Variants in MAP1A observed in about 807,000 individuals in gnomAD.
MAP1A encodes the protein microtubule-associated protein 1A.
In MAP1A, 42 loss-of-function variants were observed where a neutral mutation model predicts 185.9. The ratio of observed to expected loss-of-function variants is 0.23; its 90% confidence interval spans 0.18 to 0.29. MAP1A has a LOEUF of 0.29. Among genes scored for constraint, MAP1A ranks in the 10% least tolerant of loss-of-function variants. MAP1A has a pLI of 1.00. For missense variants in MAP1A, 2,995 were observed against 3,450.4 expected (o/e 0.87, Z 3.31); for synonymous variants, 1,229 against 1,335.9 (o/e 0.92, Z 1.74).
Position 43,527,371 on chromosome 15 carries a change from G to A in MAP1A, c.5898G>A (p.Gln1966=), listed in dbSNP as rs763819373. The A allele has an allele frequency of 1.1e-5, 18 of 1,614,224 alleles. No homozygotes were observed. The highest frequency in any genetic ancestry group is 1.4e-5 in the Non-Finnish European group (17 of 1,180,020). ...PTPYPDERSF[Q]YADIYEQMML... ...CCTATCCTGATGAGAGAAGCTTTCA[G>A]TATGCAGACATCTATGAGCAGATGA... The change falls in exon 4 of 6, where the codon CAG becomes CAA. Residue 1966 remains glutamine, a synonymous_variant. Coordinates refer to ENST00000300231, the MANE Select transcript of MAP1A (RefSeq NM_002373.6).
chr15:43,524,836 T>C lies in MAP1A; in HGVS notation c.3363T>C (p.Gly1121=). The C allele has an allele frequency of 6.2e-7, 1 of 1,613,958 alleles. No individual in the cohort carries two copies. The highest frequency in any genetic ancestry group is 8.5e-7 in the Non-Finnish European group (1 of 1,179,976). The part of the protein sequence containing the change: ...PILGAEALPG[G]LRTLPQEPGK... ...TGGGAGCAGAAGCCCTTCCCGGAGG[T>C]TTGAGGACTTTACCCCAAGAACCTG... Residue 1121 remains glycine (G), a synonymous_variant, in exon 4 of 6, where the codon GGT becomes GGC. Coordinates refer to ENST00000300231, the MANE Select transcript of MAP1A (RefSeq NM_002373.6).
chr15:43,525,376 T>C lies in MAP1A; in HGVS notation c.3903T>C (p.Asn1301=). 1 of 1,614,048 alleles carries C rather than the reference T, an allele frequency of 6.2e-7. No individual in the cohort carries two copies. Among genetic ancestry groups the C allele is most frequent in the Non-Finnish European group, 8.5e-7 (1 of 1,180,030 alleles). Residue 1301 remains asparagine, a synonymous_variant, in exon 4 of 6, where the codon AAT becomes AAC. Transcript: ENST00000300231. ...TCTCTCACTCTACACCTTCAGGAAA[T>C]GGGAAGTACTTACCTGGGGCGATCA... ...SSFSHSTPSG[N]GKYLPGAITS... is the part of the protein sequence containing the mutation.
At chr15:43,520,111 A>C (rs1400719392) in intron 1 of MAP1A, among the ~76,000 whole-genome samples, 1 of 152,206 alleles carries the variant, frequency 6.6e-6, no homozygotes, top group East Asian at 1.9e-4. Flanking sequence ...GTCTTCTGGA[A>C]CAGGAATTCT....
rs368688115 is a variant in MAP1A, at chr15:43,529,185, C to T, written c.7712C>T (p.Ser2571Phe). 13 of 832,116 alleles carry T rather than the reference C, an allele frequency of 1.6e-5. No individual in the cohort carries two copies. The highest frequency in any genetic ancestry group is 2.5e-5 in the Non-Finnish European group (13 of 522,796). The allele number at this position is 832,116 out of a possible 1,614,324, so 51.5% of individuals were successfully genotyped here. A position where few individuals can be genotyped will look rare whatever the true frequency, so the allele number is the denominator to read the frequency against. ...PPLPQPDPRP[S>F]PPRPDVCMAD... ...CTCCCACAGCCAGACCCCCGCCCAT[C>T]CCCTCCCCGCCCTGATGTGTGCATG... is the stretch of plus-strand genomic sequence containing the variant. Residue 2571 changes from serine (S) to phenylalanine (F), a missense_variant, in exon 4 of 6, where the codon TCC (serine) becomes TTC (phenylalanine). Around this residue, in one of 3 missense-constraint regions of MAP1A, gnomAD observed 2,728 missense variants for 2,986.0 expected, o/e 0.91. Transcript: ENST00000300231. This position sits in a 1 kb window ranked among gnomAD's most constrained non-coding sequence, Gnocchi z 4.3.
upstream of MAP1A, among the ~76,000 whole-genome samples, chr15:43,513,941 C>T (rs554869671): frequency 6.6e-6 from 1 of 152,320 alleles, no homozygotes; most frequent in African/African-American, 2.4e-5. Context: ...ATGCTCTAAC[C>T]TTGTCCTTTT....
Position 43,527,075 on chromosome 15 carries a change from C to T in MAP1A, c.5602C>T (p.Pro1868Ser). 1.3e-6 allele frequency: 2 copies of T among 1,583,078 alleles called. No homozygotes were observed. The highest frequency in any genetic ancestry group is 1.7e-6 in the Non-Finnish European group (2 of 1,163,484). ...SPAPGPPTPA[P>S]ESHTPAPFSW... ...AGCTCCTGGTCCCCCCACACCTGCC[C>T]CGGAATCCCATACTCCTGCACCCTT... Residue 1868 changes from proline to serine, a missense_variant, in exon 4 of 6, where the codon CCG becomes TCG. Around this residue, in one of 3 missense-constraint regions of MAP1A, gnomAD observed 2,728 missense variants for 2,986.0 expected, o/e 0.91. Transcript: ENST00000300231.
At position 43,511,178 on chromosome 15, in the gene MAP1A, ATCGGTACAGAGAG is replaced by A. The variant is rs1421353257; in HGVS notation, c.193_205del (p.Gly65SerfsTer2). ...CTCTTTGCTAATTGTGATCGGCGATATCGGTACAGAGAGTCAGCTGAGGGCCGTGCGGGCCCAC... is the reference window on the plus strand; with the variant it reads ...CTCTTTGCTAATTGTGATCGGCGATATCAGCTGAGGGCCGTGCGGGCCCAC... On this transcript the variant is annotated frameshift_variant, in exon 1 of 7. Coordinates refer to the MAP1A transcript ENST00000382031. LOFTEE classifies it high-confidence loss of function. 5 of 1,550,464 alleles carry A rather than the reference ATCGGTACAGAGAG, an allele frequency of 3.2e-6. No homozygotes were observed. The highest frequency in any genetic ancestry group is 4.4e-6 in the Non-Finnish European group (5 of 1,146,970).
chr15:43,529,238 T>C lies in MAP1A; in HGVS notation c.7765T>C (p.Ser2589Pro), dbSNP rs532524880. The C allele has an allele frequency of 6.2e-7, 1 of 1,606,188 alleles. No individual in the cohort carries two copies. Among genetic ancestry groups the C allele is most frequent in the Non-Finnish European group, 8.5e-7 (1 of 1,177,708 alleles). The change falls in exon 4 of 6, where the codon TCT becomes CCT. Residue 2589 changes from serine (S) to proline (P), a missense_variant. By Grantham distance (74) the Ser-to-Pro change is moderately conservative. Around this residue, in one of 3 missense-constraint regions of MAP1A, gnomAD observed 2,728 missense variants for 2,986.0 expected, o/e 0.91. Transcript: ENST00000300231. The surrounding 1 kb of genome is among the most constrained non-coding windows in gnomAD (Gnocchi z 4.3). ...MADPEGLSSE[S>P]GRVERLREKE... ...TGACCCCGAGGGGCTCAGCTCAGAG[T>C]CTGGGAGAGTAGAGAGGCTACGGGA...
In MAP1A at chr15:43,531,527, G is replaced by C. The variant is rs1022942750; in HGVS notation, c.*1303G>C. On this transcript the variant is annotated 3_prime_UTR_variant, in exon 6 of 6. Transcript: ENST00000300231. ...CACCCTCCCCGTGCTGCTGTGTTCT[G>C]CTCCTCCCCACGCTTCCCTGCTATA... The C allele has an allele frequency of 1.3e-5, 2 of 152,750 alleles. No homozygotes were observed. Among genetic ancestry groups the C allele is most frequent in the African/African-American group, 4.8e-5 (2 of 41,434 alleles). 9.5% of individuals were successfully genotyped at this position (152,750 alleles called of 1,614,324 possible). A position where few individuals can be genotyped will look rare whatever the true frequency, so the allele number is the denominator to read the frequency against.
At chr15:43,517,399 C>T (rs2079301455), upstream of MAP1A, among the ~76,000 whole-genome samples, 1 of 152,128 alleles carries the variant, frequency 6.6e-6, no homozygotes, top group Admixed American at 6.5e-5. Flanking sequence ...GAGAAAGGTC[C>T]TATGGGCCAT....
chr15:43,530,489 T>A lies in MAP1A; in HGVS notation c.*265T>A, dbSNP rs1451583144. 2 of 472,472 alleles carry A rather than the reference T, an allele frequency of 4.2e-6. No homozygotes were observed. Among genetic ancestry groups the A allele is most frequent in the Non-Finnish European group, 7.7e-6 (2 of 260,582 alleles). 29.3% of individuals were successfully genotyped at this position (472,472 alleles called of 1,614,324 possible). The stretch of plus-strand genomic sequence containing the variant: ...GATAGCATCTGATGCCTGAGAACCC[T>A]CTCCTAGCACTGTCAAATGCTGGTA... On this transcript the variant is annotated 3_prime_UTR_variant, in exon 6 of 6. Coordinates refer to ENST00000300231, the MANE Select transcript of MAP1A (RefSeq NM_002373.6).
chr15:43,528,415 G>A lies in MAP1A; in HGVS notation c.6942G>A (p.Leu2314=), dbSNP rs756709706. 3 of 1,613,726 alleles carry A rather than the reference G, an allele frequency of 1.9e-6. No homozygotes were observed. ...TPLSPAPPAS[L]DLALAPAPSL... The stretch of plus-strand genomic sequence containing the variant: ...TGAGCCCAGCACCCCCAGCTTCACT[G>A]GACTTGGCCCTAGCTCCAGCTCCAA... Residue 2314 remains leucine (L), a synonymous_variant, in exon 4 of 6, where the codon CTG becomes CTA. Coordinates refer to ENST00000300231, the MANE Select transcript of MAP1A (RefSeq NM_002373.6).
chr15:43,525,456 A>T lies in MAP1A; in HGVS notation c.3983A>T (p.Glu1328Val). Residue 1328 changes from glutamate (E) to valine (V), a missense_variant, in exon 4 of 6, where the codon GAG (glutamate) becomes GTG (valine). Glu to Val is a moderately radical substitution (Grantham distance 121, BLOSUM62 -2). This residue lies in a region of MAP1A where 2,728 missense variants were observed against 2,986.0 expected (regional missense o/e 0.91). Transcript: ENST00000300231. The part of the protein sequence containing the change: ...TPDSSFSKSP[E>V]SLPGPALEDI... Reference sequence around the variant, plus strand: ...GATAGCTCCTTCTCCAAGAGTCCTGAGTCTTTGCCAGGCCCTGCCTTGGAG... The same window carrying T: ...GATAGCTCCTTCTCCAAGAGTCCTGTGTCTTTGCCAGGCCCTGCCTTGGAG... 4 of 1,614,200 alleles carry T rather than the reference A, an allele frequency of 2.5e-6. No individual in the cohort carries two copies. The highest frequency in any genetic ancestry group is 3.4e-6 in the Non-Finnish European group (4 of 1,180,036).
chr15:43,511,045 G>A lies in MAP1A; in HGVS notation c.57G>A (p.Pro19=), dbSNP rs567403051. The A allele has an allele frequency of 1.1e-5, 17 of 1,548,926 alleles. No homozygotes were observed. The South Asian group carries it at 1.7e-4, about 15-fold the overall frequency. The stretch of plus-strand genomic sequence containing the variant: ...ACGGCGTTGCCATGGAGACAACTCC[G>A]GGGCTGGGGCTCCGAAGTCCCGGCG... Residue 19 remains proline (P), a synonymous_variant, in exon 1 of 7, where the codon CCG becomes CCA. Coordinates refer to the MAP1A transcript ENST00000382031.
Position 43,529,340 on chromosome 15 carries a change from G to A in MAP1A, c.7867G>A (p.Asp2623Asn), listed in dbSNP as rs747280325. 1 of 1,614,010 alleles carries A rather than the reference G, an allele frequency of 6.2e-7. No homozygotes were observed. The highest frequency in any genetic ancestry group is 1.1e-5 in the South Asian group (1 of 91,088). The change falls in exon 4 of 6, where the codon GAT becomes AAT. Residue 2623 changes from aspartate to asparagine, a missense_variant. Around this residue, in one of 3 missense-constraint regions of MAP1A, gnomAD observed 2,728 missense variants for 2,986.0 expected, o/e 0.91. Coordinates refer to ENST00000300231, the MANE Select transcript of MAP1A (RefSeq NM_002373.6). This position sits in a 1 kb window ranked among gnomAD's most constrained non-coding sequence, Gnocchi z 4.3. ...GCCAGCGTCCCCTGCACGGCGTCTG[G>A]ATCTTCGGGGAAAACGCTCACCCAC... is the stretch of plus-strand genomic sequence containing the variant. The part of the protein sequence containing the change: ...AKPASPARRL[D>N]LRGKRSPTPG...
chr15:43,522,454 C>T lies in MAP1A; in HGVS notation c.981C>T (p.Thr327=), dbSNP rs1566977191. ...ADSKESLKAT[T]KTAVSKLAKR... is the part of the protein sequence containing the mutation. ...GCAAGGAGAGCCTCAAAGCCACTACCAAGACGGCCGTGAGCAAGTTGGCCA... is the reference window on the plus strand; with the variant it reads ...GCAAGGAGAGCCTCAAAGCCACTACTAAGACGGCCGTGAGCAAGTTGGCCA... The change falls in exon 4 of 6, where the codon ACC becomes ACT. Residue 327 remains threonine, a synonymous_variant. Transcript: ENST00000300231. This position sits in a 1 kb window ranked among gnomAD's most constrained non-coding sequence, Gnocchi z 5.9. The T allele has an allele frequency of 1.2e-6, 2 of 1,614,078 alleles. No homozygotes were observed. The highest frequency in any genetic ancestry group is 1.7e-6 in the Non-Finnish European group (2 of 1,180,010).
intron 1 of MAP1A, among the ~76,000 whole-genome samples, chr15:43,519,325 T>G (rs2079310826): frequency 6.6e-6 from 1 of 152,222 alleles, no homozygotes; most frequent in South Asian, 2.1e-4. Context: ...GACACCATCG[T>G]TCATTTCCCC....
rs1566977051 is a variant in MAP1A, at chr15:43,521,916, C to A, written c.443C>A (p.Ala148Asp). Residue 148 changes from alanine (A) to aspartate (D), a missense_variant, in exon 4 of 6, where the codon GCC becomes GAC. This residue lies in a region of MAP1A where 264 missense variants were observed against 435.3 expected (regional missense o/e 0.61). Coordinates refer to ENST00000300231, the MANE Select transcript of MAP1A (RefSeq NM_002373.6). The surrounding 1 kb of genome is among the most constrained non-coding windows in gnomAD (Gnocchi z 4.6). ...NVPEKLRLPD[A>D]SRKAKRSIEE... ...CCTGAGAAGCTGCGGCTTCCTGATG[C>A]CTCCCGGAAAGCCAAGCGTAGCATT... 3.7e-6 allele frequency: 6 copies of A among 1,614,046 alleles called. No homozygotes were observed. Among genetic ancestry groups the A allele is most frequent in the East Asian group, 2.2e-5 (1 of 44,896 alleles).
intron 1 of MAP1A, among the ~76,000 whole-genome samples, chr15:43,511,511 C>T (rs2079278153): frequency 6.6e-6 from 1 of 152,218 alleles, no homozygotes; most frequent in African/African-American, 2.4e-5. Flanking sequence ...CCCTCCACCG[C>T]AGTGTTTTGG....
Sources: allele counts gnomAD v4.1 joint callset (sites outside exome capture counted in the v4.1 genomes callset), GRCh38; gene constraint gnomAD v4.1.1; regional missense constraint gnomAD v4.1.1; non-coding constraint Gnocchi (gnomAD v3.1); transcripts MANE v1.5; gene names NCBI Gene and HGNC (gene_info 2026-07-23, HGNC 2026-07-21).